The following CCDC91 variants were observed in gnomAD, a reference collection of about 807,000 sequenced individuals.
CCDC91 encodes coiled-coil domain containing 91, also known as coiled-coil domain-containing protein 91.
Under a neutral mutation model 63.2 loss-of-function variants are expected in CCDC91, and 48 were observed. The observed-to-expected ratio is 0.76, with a 90% confidence interval of 0.60 to 0.97. The LOEUF is 0.97. Among genes scored for constraint, CCDC91 ranks in the 50% least tolerant of loss-of-function variants. CCDC91 has a pLI of 0.00. For synonymous variants in CCDC91, 167 were observed against 165.8 expected (o/e 1.01, Z -0.06); for missense variants, 500 against 494.6 (o/e 1.01, Z -0.10).
At chr12:28,201,800 C>T (rs527422193) in intron 1 of CCDC91, among the ~76,000 whole-genome samples, 2 of 144,906 alleles carry the variant, frequency 1.4e-5, no homozygotes, top group Admixed American at 6.8e-5. Flanking sequence ...CCGAGGCTGG[C>T]GGATCACTCG....
chr12:28,475,522 G>A (rs1473231190), intron 11 of CCDC91, among the ~76,000 whole-genome samples: 1 of 152,056 alleles, frequency 6.6e-6, no homozygotes, highest in Non-Finnish European at 1.5e-5. Flanking sequence ...CTCCTTCCTA[G>A]TAAATTAACT....
At chr12:28,542,108 A>G (rs1436807395) in intron 12 of CCDC91, among the ~76,000 whole-genome samples, 1 of 152,114 alleles carries the variant, frequency 6.6e-6, no homozygotes, top group African/African-American at 2.4e-5. Context: ...AACTTTACAT[A>G]TGGAAAGTTA....
rs777433807 is a variant in CCDC91, at chr12:28,220,915, A to AT, written c.-15+30277dup. Reference sequence around the variant, plus strand: ...TTAGATTATGATGCGCATTAGTATGATTTCTTTATGTTTGTTCTTTCTCGC... The same window carrying AT: ...TTAGATTATGATGCGCATTAGTATGATTTTCTTTATGTTTGTTCTTTCTCGC... On this transcript the variant is annotated intron_variant, in intron 1 of 12. Coordinates refer to ENST00000536442, the MANE Select transcript of CCDC91 (RefSeq NM_018318.5). 9.9e-5 allele frequency among the ~76,000 whole-genome samples: 15 copies of AT among 151,946 alleles called. No individual in the cohort carries two copies. The East Asian group carries it at 1.2e-3, about 12-fold the overall frequency.
intron 12 of CCDC91, among the ~76,000 whole-genome samples, chr12:28,539,887 T>C (rs1319155255): frequency 3.3e-5 from 5 of 152,132 alleles, no homozygotes; most frequent in African/African-American, 7.2e-5. Flanking sequence ...TGTAAAATCC[T>C]GAATGATGAG....
At chr12:28,230,645 G>T (rs1314642892) in intron 1 of CCDC91, among the ~76,000 whole-genome samples, 11 of 151,992 alleles carry the variant, frequency 7.2e-5, no homozygotes, top group Non-Finnish European at 2.9e-5. Context: ...GTTTTTTGGA[G>T]ACAGGGTCTG....
At chr12:28,454,000 T>C (rs1280521331) in intron 11 of CCDC91, among the ~76,000 whole-genome samples, 1 of 152,100 alleles carries the variant, frequency 6.6e-6, no homozygotes, top group African/African-American at 2.4e-5. Flanking sequence ...ACAAGAAACA[T>C]GCAGTATATG....
chr12:28,288,188 T>G (rs902274088), intron 3 of CCDC91, among the ~76,000 whole-genome samples: 3 of 152,194 alleles, frequency 2.0e-5, no homozygotes, highest in Admixed American at 2.0e-4. Context: ...TTGGATGTAC[T>G]TTATTTCTTT....
chr12:28,424,647 A>G (rs373918157), intron 8 of CCDC91, among the ~76,000 whole-genome samples: 1 of 152,148 alleles, frequency 6.6e-6, no homozygotes, highest in South Asian at 2.1e-4. Flanking sequence ...GATGTGTCAT[A>G]TTAATAATTT....
intron 7 of CCDC91, among the ~76,000 whole-genome samples, chr12:28,369,980 A>T (rs978476114): frequency 2.0e-5 from 3 of 152,148 alleles, no homozygotes; most frequent in African/African-American, 7.2e-5. Flanking sequence ...CTAGGCCTCT[A>T]CGGGCTATGG....
chr12:28,528,031 G>T (rs1941421888), intron 12 of CCDC91, among the ~76,000 whole-genome samples: 1 of 152,208 alleles, frequency 6.6e-6, no homozygotes. Context: ...CCACCTCCCA[G>T]CTGTGAAAGT....
chr12:28,320,333 AC>A (rs1452846072), intron 6 of CCDC91, among the ~76,000 whole-genome samples: 1 of 151,756 alleles, frequency 6.6e-6, no homozygotes, highest in Non-Finnish European at 1.5e-5. Context: ...GTGCACACAG[AC>A]TTTTTTTTGT....
At chr12:28,512,020 T>C (rs1390456173) in intron 12 of CCDC91, among the ~76,000 whole-genome samples, 1 of 151,912 alleles carries the variant, frequency 6.6e-6, no homozygotes, top group Non-Finnish European at 1.5e-5. Flanking sequence ...TATGACTAGA[T>C]GGATTTTGGG....
chr12:28,229,903 G>T (rs1944485430), intron 1 of CCDC91, among the ~76,000 whole-genome samples: 1 of 152,146 alleles, frequency 6.6e-6, no homozygotes, highest in Admixed American at 6.6e-5. Flanking sequence ...GACCTTGTGA[G>T]CCAAGAGCTT....
chr12:28,294,425 A>G (rs567317263), intron 3 of CCDC91, among the ~76,000 whole-genome samples: 1 of 152,222 alleles, frequency 6.6e-6, no homozygotes, highest in South Asian at 2.1e-4. Context: ...GAGTTCTCAC[A>G]GGATCTTCTG....
intron 1 of CCDC91, among the ~76,000 whole-genome samples, chr12:28,235,685 G>C (rs2135882286): frequency 6.6e-6 from 1 of 151,896 alleles, no homozygotes; most frequent in African/African-American, 2.4e-5. Flanking sequence ...AATCCCATTT[G>C]GATTCCTGGT....
intron 1 of CCDC91, among the ~76,000 whole-genome samples, chr12:28,241,061 C>T (rs945459698): frequency 1.2e-4 from 19 of 152,230 alleles, no homozygotes; most frequent in African/African-American, 3.6e-4. Flanking sequence ...TTGGTATTGT[C>T]ATTACTTTTT....
intron 3 of CCDC91, among the ~76,000 whole-genome samples, chr12:28,270,638 A>G (rs1292676071): frequency 6.6e-6 from 1 of 152,154 alleles, no homozygotes; most frequent in East Asian, 1.9e-4. Context: ...CATTTACTCA[A>G]CTCATCAATC....
intron 12 of CCDC91, among the ~76,000 whole-genome samples, chr12:28,510,460 C>G (rs1018081936): frequency 6.6e-6 from 1 of 151,876 alleles, no homozygotes; most frequent in Admixed American, 6.6e-5. Context: ...TAGTTTCATT[C>G]CTAAGACCAG....
At chr12:28,489,091 AAAG>A (rs1482609428) in intron 12 of CCDC91, among the ~76,000 whole-genome samples, 2 of 151,966 alleles carry the variant, frequency 1.3e-5, no homozygotes, top group Admixed American at 6.6e-5. Context: ...CTGGTTCTTT[AAAG>A]AAGAATGTTT....
Sources: allele counts gnomAD v4.1 joint callset (sites outside exome capture counted in the v4.1 genomes callset), GRCh38; gene constraint gnomAD v4.1.1; transcripts MANE v1.5; gene names NCBI Gene and HGNC (gene_info 2026-07-23, HGNC 2026-07-21).